TNFRSF10B: variants seen among roughly 807,000 people sequenced by gnomAD.
TNFRSF10B encodes the protein tumor necrosis factor receptor superfamily member 10B.
TNFRSF10B carries 35 observed loss-of-function variants against 41.4 expected under a neutral mutation model. That is an observed-to-expected ratio of 0.85 (90% CI 0.65 to 1.12). The LOEUF is 1.12. TNFRSF10B is among the 50% of genes most tolerant of loss of function. The pLI is 0.00. For missense variants in TNFRSF10B, 584 were observed against 552.7 expected, an observed-to-expected ratio of 1.06 and a Z score of -0.57; for synonymous variants, 230 against 215.5, an observed-to-expected ratio of 1.07 and a Z score of -0.59.
chr8:23,051,328 AAG>A lies in TNFRSF10B; in HGVS notation c.145-8087_145-8086del, dbSNP rs1480885279. Among the ~76,000 whole-genome samples, 3 of 152,314 alleles carry A rather than the reference AAG, an allele frequency of 2.0e-5. No homozygotes were observed. The East Asian group carries it at 5.8e-4, about 29-fold the overall frequency. ...GGTAAAGTAATATTAGAAATGTCTT[AAG>A]AGTTTCCAGCATACATTTTAGTTTG... On this transcript the variant is annotated intron_variant, in intron 1 of 8. Coordinates refer to ENST00000276431, the MANE Select transcript of TNFRSF10B (RefSeq NM_003842.5).
chr8:23,063,049 C>G (rs1812876227), intron 1 of TNFRSF10B, among the ~76,000 whole-genome samples: 1 of 152,068 alleles, frequency 6.6e-6, no homozygotes, highest in South Asian at 2.1e-4. Context: ...TCCTTCTTTC[C>G]TTAAGATCCA....
intron 2 of TNFRSF10B, among the ~76,000 whole-genome samples, chr8:23,040,735 A>C (rs1415884687): frequency 5.9e-5 from 9 of 152,018 alleles, no homozygotes; most frequent in Admixed American, 5.9e-4. Flanking sequence ...AAACAAACGC[A>C]AAAAATAGAC....
intron 1 of TNFRSF10B, among the ~76,000 whole-genome samples, chr8:23,063,704 A>G (rs1425294760): frequency 6.6e-5 from 10 of 152,092 alleles, no homozygotes; most frequent in Admixed American, 6.6e-4. Flanking sequence ...AACCACTAGG[A>G]CCCATCCCGA....
intron 1 of TNFRSF10B, among the ~76,000 whole-genome samples, chr8:23,049,092 T>C (rs916623090): frequency 6.6e-6 from 1 of 152,166 alleles, no homozygotes; most frequent in Non-Finnish European, 1.5e-5. Flanking sequence ...GTGAAGAAAC[T>C]GGAACCTTCG....
chr8:23,056,249 CTA>C (rs1350366727), intron 1 of TNFRSF10B, among the ~76,000 whole-genome samples: 1 of 152,204 alleles, frequency 6.6e-6, no homozygotes, highest in African/African-American at 2.4e-5. Flanking sequence ...AGCTTTAAAA[CTA>C]TAAATACGAT....
chr8:23,022,166 G>A lies in TNFRSF10B; in HGVS notation c.*505C>T, dbSNP rs1224373552. On this transcript the variant is annotated 3_prime_UTR_variant, in exon 9 of 9. Coordinates refer to ENST00000276431, the MANE Select transcript of TNFRSF10B (RefSeq NM_003842.5). ...TCCCAGCTATTTGGATGGCTGAGGTGGGAGAATCGCTTGAGCCTGAGAGGT... is the reference window on the plus strand; with the variant it reads ...TCCCAGCTATTTGGATGGCTGAGGTAGGAGAATCGCTTGAGCCTGAGAGGT... 4.5e-6 allele frequency: 2 copies of A among 449,176 alleles called. No individual in the cohort carries two copies. The highest frequency in any genetic ancestry group is 4.7e-5 in the Admixed American group (2 of 42,254). 27.8% of individuals were successfully genotyped at this position (449,176 alleles called of 1,614,324 possible).
intron 1 of TNFRSF10B, among the ~76,000 whole-genome samples, chr8:23,051,699 C>T (rs984669561): frequency 9.2e-5 from 14 of 152,100 alleles, no homozygotes; most frequent in African/African-American, 2.4e-4. Context: ...CGCCCGCCAC[C>T]GCGCCTGGTT....
Position 23,030,802 on chromosome 8 carries a change from C to T in TNFRSF10B, c.321G>A (p.Trp107Ter). ...AGCGCAAGCAGAAAAGGAGGTCATT[C>T]CAGTGAGTGCTATAGTCCTGTCCAT... ...CKYGQDYSTH[W>*]NDLLFCLRCT... The change falls in exon 3 of 9, where the codon TGG becomes TGA. Residue 107 changes from tryptophan to a stop codon, truncating the protein, a stop_gained. Coordinates refer to ENST00000276431, the MANE Select transcript of TNFRSF10B (RefSeq NM_003842.5). LOFTEE classifies it high-confidence loss of function. 1 of 1,613,204 alleles carries T rather than the reference C, an allele frequency of 6.2e-7. No homozygotes were observed. Among genetic ancestry groups the T allele is most frequent in the Non-Finnish European group, 8.5e-7 (1 of 1,179,642 alleles).
At chr8:23,044,052 T>TA (rs1284683985) in intron 1 of TNFRSF10B, among the ~76,000 whole-genome samples, 1 of 152,196 alleles carries the variant, frequency 6.6e-6, no homozygotes, top group Non-Finnish European at 1.5e-5. Flanking sequence ...TTGGCAAAGG[T>TA]ATAAAGACCA....
intron 1 of TNFRSF10B, chr8:23,049,955 C>T (rs949691855): frequency 3.3e-5 from 5 of 152,282 alleles, no homozygotes; most frequent in Non-Finnish European, 7.3e-5. Flanking sequence ...ATGAGACAGT[C>T]TTCAGGAGGA....
chr8:23,038,586 G>T (rs1812088661), intron 2 of TNFRSF10B, among the ~76,000 whole-genome samples: 1 of 152,098 alleles, frequency 6.6e-6, no homozygotes, highest in Non-Finnish European at 1.5e-5. Flanking sequence ...TTTAAGTATT[G>T]TTCACTTTAT....
intron 1 of TNFRSF10B, among the ~76,000 whole-genome samples, chr8:23,067,060 C>A (rs889352633): frequency 6.6e-6 from 1 of 151,634 alleles, no homozygotes; most frequent in Non-Finnish European, 1.5e-5. Context: ...CTCACTGCAA[C>A]TTCTGCCTCC....
chr8:23,046,615 T>TAAAAAAAAAAAAAA (rs147614589), intron 1 of TNFRSF10B, among the ~76,000 whole-genome samples: 2 of 129,844 alleles, frequency 1.5e-5, no homozygotes, highest in Non-Finnish European at 1.7e-5. Flanking sequence ...TATGCAACCA[T>TAAAAAAAAAAAAAA]AAAAAAAAAA....
intron 1 of TNFRSF10B, among the ~76,000 whole-genome samples, chr8:23,067,528 CCAAAGAT>C (rs1399413655): frequency 6.6e-6 from 1 of 152,036 alleles, no homozygotes; most frequent in Non-Finnish European, 1.5e-5. Flanking sequence ...CAGCCAGAGA[CCAAAGAT>C]CCACCACCCA....
intron 1 of TNFRSF10B, among the ~76,000 whole-genome samples, chr8:23,049,033 C>T (rs1563318921): frequency 6.6e-6 from 1 of 152,170 alleles, no homozygotes; most frequent in East Asian, 1.9e-4. Flanking sequence ...CCACTAACGT[C>T]TACTATATTA....
chr8:23,053,791 C>T (rs537725479), intron 1 of TNFRSF10B, among the ~76,000 whole-genome samples: 1 of 152,210 alleles, frequency 6.6e-6, no homozygotes, highest in African/African-American at 2.4e-5. Flanking sequence ...TGAAATGTGG[C>T]TTATTTGATA....
At chr8:23,045,427 A>G (rs1295345186) in intron 1 of TNFRSF10B, among the ~76,000 whole-genome samples, 1 of 152,210 alleles carries the variant, frequency 6.6e-6, no homozygotes, top group Non-Finnish European at 1.5e-5. Context: ...GATTAAGGAT[A>G]TTGAATCAGT....
Position 23,068,948 on chromosome 8 carries a change from A to T in TNFRSF10B, c.-54T>A, listed in dbSNP as rs762845249. 1.2e-6 allele frequency: 2 copies of T among 1,612,728 alleles called. No individual in the cohort carries two copies. Among genetic ancestry groups the T allele is most frequent in the Non-Finnish European group, 1.7e-6 (2 of 1,179,834 alleles). Reference sequence around the variant, plus strand: ...CAGGCCCGTGGGTTTCAGCCCTTAAAGTAGATCGGGCATCGTCGGTGTATT... The same window carrying T: ...CAGGCCCGTGGGTTTCAGCCCTTAATGTAGATCGGGCATCGTCGGTGTATT... On this transcript the variant is annotated 5_prime_UTR_variant, in exon 1 of 9. Transcript: ENST00000276431.
chr8:23,057,212 C>A (rs1267348509), intron 1 of TNFRSF10B, among the ~76,000 whole-genome samples: 2 of 150,738 alleles, frequency 1.3e-5, no homozygotes, highest in Non-Finnish European at 2.9e-5. Context: ...ATGCCCGGCT[C>A]ATTTTTGTAT....
Sources: gnomAD v4.1 joint callset for allele counts (sites outside exome capture counted in the v4.1 genomes callset) on GRCh38, gnomAD v4.1.1 for gene constraint, MANE v1.5 for transcripts, NCBI Gene and HGNC (gene_info 2026-07-23, HGNC 2026-07-21) for gene names.